The following AFF3 variants were observed in gnomAD, a reference collection of about 807,000 sequenced individuals.
The protein encoded by AFF3 is AF4/FMR2 family member 3.
AFF3 carries 32 observed loss-of-function variants against 129.7 expected under a neutral mutation model. That is an observed-to-expected ratio of 0.25 (90% CI 0.19 to 0.33). The LOEUF (loss-of-function observed/expected upper bound fraction) is 0.33, where lower values mean the gene tolerates loss of function less well. Among genes scored for constraint, AFF3 ranks in the 10% least tolerant of loss-of-function variants. The pLI is 1.00. For synonymous variants in AFF3, 644 were observed against 635.4 expected (o/e 1.01, Z -0.20); for missense variants, 1,373 against 1,592.0 (o/e 0.86, Z 2.34).
chr2:99,556,898 G>A (rs1674975903), intron 22 of AFF3, among the ~76,000 whole-genome samples: 1 of 151,650 alleles, frequency 6.6e-6, no homozygotes, highest in Non-Finnish European at 1.5e-5. Context: ...CTCTAGCCTG[G>A]GCAACAGAAC....
At chr2:99,648,943 C>T (rs192467657) in intron 13 of AFF3, among the ~76,000 whole-genome samples, 202 of 46,120 alleles carry the variant, frequency 4.4e-3, no homozygotes, top group Admixed American at 0.017. Flanking sequence ...TCTCTCCAAT[C>T]TTAGTAAGTG....
chr2:99,556,554 C>T (rs867450154), intron 22 of AFF3, among the ~76,000 whole-genome samples: 2 of 152,150 alleles, frequency 1.3e-5, no homozygotes, highest in Non-Finnish European at 2.9e-5. Flanking sequence ...TAGCTCTGTA[C>T]TGATAAAACA....
chr2:100,058,933 TAAAAAG>T (rs1000880681), intron 4 of AFF3, among the ~76,000 whole-genome samples: 2 of 152,116 alleles, frequency 1.3e-5, no homozygotes, highest in African/African-American at 4.8e-5. Flanking sequence ...AACTCAATAA[TAAAAAG>T]AAAACCTATT....
At chr2:99,982,291 C>G (rs1015043072) in intron 7 of AFF3, among the ~76,000 whole-genome samples, 1 of 152,158 alleles carries the variant, frequency 6.6e-6, no homozygotes. Context: ...GTGCATGGGT[C>G]TCACGAGATC....
chr2:100,124,924 CA>C (rs1359963539), intron 2 of AFF3, among the ~76,000 whole-genome samples: 1 of 152,110 alleles, frequency 6.6e-6, no homozygotes, highest in African/African-American at 2.4e-5. Context: ...TTGATCAGCC[CA>C]GGGGTCATGA....
intron 2 of AFF3, among the ~76,000 whole-genome samples, chr2:100,111,638 A>T (rs1438379819): frequency 6.6e-6 from 1 of 152,262 alleles, no homozygotes; most frequent in Non-Finnish European, 1.5e-5. Context: ...ACACAAAAAT[A>T]TGTATGTTTC....
intron 11 of AFF3, among the ~76,000 whole-genome samples, chr2:99,687,159 T>C (rs999150141): frequency 2.0e-5 from 3 of 152,220 alleles, no homozygotes; most frequent in South Asian, 2.1e-4. Context: ...GAGAAGGATC[T>C]AGGAATGCAA....
chr2:99,895,758 C>T (rs1416656408), intron 7 of AFF3, among the ~76,000 whole-genome samples: 9 of 152,040 alleles, frequency 5.9e-5, no homozygotes, highest in Non-Finnish European at 1.3e-4. Flanking sequence ...TTCTCCATAG[C>T]TGCTTCTACA....
At chr2:100,016,484 G>A (rs1324343125) in intron 4 of AFF3, among the ~76,000 whole-genome samples, 1 of 150,902 alleles carries the variant, frequency 6.6e-6, no homozygotes, top group African/African-American at 2.5e-5. Flanking sequence ...TGTTGGTGAT[G>A]AAAGTGGTGA....
intron 2 of AFF3, among the ~76,000 whole-genome samples, chr2:100,125,683 AG>A (rs1692154155): frequency 6.6e-6 from 1 of 152,138 alleles, no homozygotes; most frequent in African/African-American, 2.4e-5. Flanking sequence ...CATGCTGTAA[AG>A]GGGGTGGTCA....
intron 12 of AFF3, among the ~76,000 whole-genome samples, chr2:99,671,355 C>G (rs573343750): frequency 6.6e-6 from 1 of 152,162 alleles, no homozygotes; most frequent in African/African-American, 2.4e-5. Context: ...GCCTGAGTGG[C>G]CTTCTTTGCC....
At chr2:99,997,481 C>G (rs375044436) in intron 7 of AFF3, among the ~76,000 whole-genome samples, 155 of 151,950 alleles carry the variant, frequency 1.0e-3, no homozygotes, top group South Asian at 4.0e-3. Flanking sequence ...TATCACCCCC[C>G]CCCCAGATTA....
chr2:99,597,539 C>T (rs1319354722), intron 14 of AFF3, among the ~76,000 whole-genome samples: 5 of 152,380 alleles, frequency 3.3e-5, no homozygotes, highest in African/African-American at 1.2e-4. Flanking sequence ...ATAAGAACAA[C>T]TCACAATGAG....
intron 13 of AFF3, among the ~76,000 whole-genome samples, chr2:99,617,541 T>C (rs1681559960): frequency 6.6e-6 from 1 of 152,238 alleles, no homozygotes; most frequent in African/African-American, 2.4e-5. Context: ...GGATACAAGT[T>C]GTTTATCTGA....
intron 13 of AFF3, among the ~76,000 whole-genome samples, chr2:99,617,321 T>C (rs1681538315): frequency 6.6e-6 from 1 of 152,232 alleles, no homozygotes; most frequent in African/African-American, 2.4e-5. Context: ...GCAACTGTTA[T>C]TGTCCATCTT....
Position 99,849,851 on chromosome 2 carries a change from C to T in AFF3, c.874-12327G>A, listed in dbSNP as rs372891532. On this transcript the variant is annotated intron_variant, in intron 7 of 24. Transcript: ENST00000672756. ...TGGATTGGTTGCTCATATAGCTGGACGGACTGGTAGCTAATTGAACAGCCA... is the reference window on the plus strand; with the variant it reads ...TGGATTGGTTGCTCATATAGCTGGATGGACTGGTAGCTAATTGAACAGCCA... Among the ~76,000 whole-genome samples, 263 of 152,200 alleles carry T rather than the reference C, an allele frequency of 1.7e-3. 2 individuals are homozygous for T. Among genetic ancestry groups the T allele is most frequent in the African/African-American group, 6.0e-3 (249 of 41,526 alleles).
At chr2:99,904,672 G>A (rs1238586799) in intron 7 of AFF3, among the ~76,000 whole-genome samples, 1 of 152,042 alleles carries the variant, frequency 6.6e-6, no homozygotes, top group African/African-American at 2.4e-5. Context: ...TTTTCATTTT[G>A]TTTGTTTCTT....
chr2:99,601,066 C>T (rs1679780747), intron 14 of AFF3, among the ~76,000 whole-genome samples: 1 of 152,228 alleles, frequency 6.6e-6, no homozygotes, highest in Admixed American at 6.5e-5. Context: ...TGGGTGGTCA[C>T]ACTTCCCAGG....
At chr2:99,553,918 C>CAAAAAAAAAAAAAAAAAAAAAAAAA (rs61326965) in intron 24 of AFF3, among the ~76,000 whole-genome samples, 1 of 56,974 alleles carries the variant, frequency 1.8e-5, no homozygotes, top group Admixed American at 2.7e-4. Context: ...TGTCTCAAAC[C>CAAAAAAAAAAAAAAAAAAAAAAAAA]AAAAAAAAAA....
Sources: gnomAD v4.1 joint callset for allele counts (sites outside exome capture counted in the v4.1 genomes callset) on GRCh38, gnomAD v4.1.1 for gene constraint, MANE v1.5 for transcripts, NCBI Gene and HGNC (gene_info 2026-07-23, HGNC 2026-07-21) for gene names.